Variants in ACSM3 observed in about 807,000 individuals in gnomAD.
The protein encoded by ACSM3 is acyl-coenzyme A synthetase ACSM3, mitochondrial.
In ACSM3, 61 loss-of-function variants were observed where a neutral mutation model predicts 74.1. That is an observed-to-expected ratio of 0.82 (90% CI 0.67 to 1.02). The LOEUF (loss-of-function observed/expected upper bound fraction) is 1.02, where lower values mean the gene tolerates loss of function less well. Among genes scored for constraint, ACSM3 ranks in the 50% least tolerant of loss-of-function variants. The pLI is 0.00. For missense variants in ACSM3, 660 were observed against 697.0 expected, an observed-to-expected ratio of 0.95 and a Z score of 0.60; for synonymous variants, 213 against 241.5, an observed-to-expected ratio of 0.88 and a Z score of 1.09.
At chr16:20,761,488 T>C (rs1235271670), upstream of ACSM3, among the ~76,000 whole-genome samples, 1 of 152,094 alleles carries the variant, frequency 6.6e-6, no homozygotes, top group Non-Finnish European at 1.5e-5. Context: ...TTGAACTAAG[T>C]AGGACATGAC....
chr16:20,732,223 G>A (rs2079834924), intron 1 of ACSM3, among the ~76,000 whole-genome samples: 1 of 152,126 alleles, frequency 6.6e-6, no homozygotes, highest in Admixed American at 6.5e-5. Context: ...AAGACATGAA[G>A]ATGGCCCTGT....
At chr16:20,795,238 C>G (rs1379552392) in intron 12 of ACSM3, among the ~76,000 whole-genome samples, 5 of 152,132 alleles carry the variant, frequency 3.3e-5, no homozygotes, top group African/African-American at 1.2e-4. Context: ...CCAGTCTGCT[C>G]TCGAACTCCT....
In ACSM3 at chr16:20,790,496, G is replaced by A; in HGVS notation, c.1225-91G>A. 6.8e-6 allele frequency: 9 copies of A among 1,324,550 alleles called. 1 individual carries two copies. In the South Asian group the frequency reaches 1.1e-4, roughly 16 times the overall value. The allele number at this position is 1,324,550 out of a possible 1,614,324, so 82.0% of individuals were successfully genotyped here. On this transcript the variant is annotated intron_variant, in intron 9 of 13. Transcript: ENST00000289416. The surrounding 1 kb of genome is among the most constrained non-coding windows in gnomAD (Gnocchi z 4.0). ...TTTTTTAAGTCTTCATTTTTAAATGGCAAAAGCCAAAATAAAACTTGCAAA... is the reference window on the plus strand; with the variant it reads ...TTTTTTAAGTCTTCATTTTTAAATGACAAAAGCCAAAATAAAACTTGCAAA...
chr16:20,738,188 A>C, intron 1 of ACSM3: 1 of 564,148 alleles, frequency 1.8e-6, no homozygotes, highest in Non-Finnish European at 3.3e-6. Context: ...TTGCACTAGA[A>C]ATGACTGTTT....
intron 1 of ACSM3, chr16:20,682,536 C>A: frequency 8.5e-7 from 1 of 1,178,730 alleles, no homozygotes; most frequent in Non-Finnish European, 1.2e-6. Flanking sequence ...GGCTTGTCTG[C>A]ATCGAAATAC....
chr16:20,685,771 G>C (rs1255093950), intron 1 of ACSM3, among the ~76,000 whole-genome samples: 2 of 139,004 alleles, frequency 1.4e-5, no homozygotes, highest in East Asian at 4.2e-4. Context: ...AGTGAGCCAA[G>C]ATTGCACCAT....
In ACSM3 at chr16:20,684,890, C is replaced by G. The variant is rs552412325; in HGVS notation, c.-190+10068C>G. On this transcript the variant is annotated intron_variant, in intron 1 of 3. Coordinates refer to the ACSM3 transcript ENST00000561584. ...GTGTATGAGACAAAGTTTGGCACTG[C>G]ACTTGAGAGTGTATGAATGTGAGAG... Among the ~76,000 whole-genome samples, 33 of 152,112 alleles carry G rather than the reference C, an allele frequency of 2.2e-4. No individual in the cohort carries two copies. In the South Asian group the frequency reaches 6.8e-3, roughly 32 times the overall value.
intron 1 of ACSM3, among the ~76,000 whole-genome samples, chr16:20,723,040 C>G (rs982871105): frequency 2.0e-5 from 3 of 152,092 alleles, no homozygotes; most frequent in Non-Finnish European, 4.4e-5. Context: ...ATCCCTCCCC[C>G]ACCCCACAAC....
intron 4 of ACSM3, chr16:20,779,771 CTTTTTT>C: frequency 1.4e-5 from 2 of 141,164 alleles, no homozygotes; most frequent in South Asian, 1.9e-4. Context: ...GGTCAGCAAA[CTTTTTT>C]TTTTTTTTTT....
At chr16:20,777,809 A>G (rs1464444203) in intron 4 of ACSM3, among the ~76,000 whole-genome samples, 1 of 152,208 alleles carries the variant, frequency 6.6e-6, no homozygotes, top group East Asian at 1.9e-4. Flanking sequence ...TAGGAAGTTT[A>G]TTAAGGAGTT....
intron 2 of ACSM3, among the ~76,000 whole-genome samples, chr16:20,753,174 G>T (rs748740517): frequency 4.0e-5 from 6 of 151,842 alleles, no homozygotes; most frequent in Non-Finnish European, 8.8e-5. Flanking sequence ...ATTGAATCTG[G>T]AAAAGGCTGG....
intron 1 of ACSM3, among the ~76,000 whole-genome samples, chr16:20,724,330 C>A (rs373013741): frequency 4.9e-4 from 75 of 152,258 alleles, no homozygotes; most frequent in Admixed American, 2.4e-3. Context: ...AAATTCAACA[C>A]CCTTCATGCT....
At chr16:20,742,641 CAAA>C (rs35133233) in intron 1 of ACSM3, among the ~76,000 whole-genome samples, 4 of 129,710 alleles carry the variant, frequency 3.1e-5, no homozygotes, top group East Asian at 2.4e-4. Flanking sequence ...GGCTCTGTCT[CAAA>C]AAAAAAAAAA....
At chr16:20,770,695 T>C (rs2080182252) in intron 2 of ACSM3, among the ~76,000 whole-genome samples, 1 of 152,144 alleles carries the variant, frequency 6.6e-6, no homozygotes, top group Non-Finnish European at 1.5e-5. Context: ...CCAAAAGAAA[T>C]GACATGGCTT....
chr16:20,713,101 G>A (rs1275049122), intron 1 of ACSM3, among the ~76,000 whole-genome samples: 3 of 152,130 alleles, frequency 2.0e-5, no homozygotes, highest in Admixed American at 6.6e-5. Flanking sequence ...TCTTTTATAA[G>A]CTGTGTAACC....
At chr16:20,718,472 T>C (rs567129457) in intron 1 of ACSM3, 3 of 450,972 alleles carry the variant, frequency 6.7e-6, no homozygotes, top group South Asian at 8.8e-5. Flanking sequence ...AGCTTCAGCA[T>C]TGGGTTCACC....
intron 1 of ACSM3, chr16:20,737,345 CAA>C (rs1736552597): frequency 6.6e-7 from 1 of 1,505,326 alleles, no homozygotes; most frequent in Non-Finnish European, 8.9e-7. Flanking sequence ...CTGATAGATA[CAA>C]AAAATCTTTT....
At chr16:20,741,819 G>A (rs1211275602) in intron 1 of ACSM3, 10 of 1,541,654 alleles carry the variant, frequency 6.5e-6, no homozygotes, top group Non-Finnish European at 8.7e-6. Flanking sequence ...GCGAACTGGT[G>A]ACGTCGGATA....
At chr16:20,789,684 C>CT (rs561663756) in intron 9 of ACSM3, 37,227 of 442,960 alleles carry the variant, frequency 0.084, 75 homozygotes, top group South Asian at 0.1. Context: ...CTCTATTTTT[C>CT]TTTTTTTTTT....
Sources: gnomAD v4.1 joint callset for allele counts (sites outside exome capture counted in the v4.1 genomes callset) on GRCh38, gnomAD v4.1.1 for gene constraint, Gnocchi (gnomAD v3.1) non-coding constraint, MANE v1.5 for transcripts, NCBI Gene and HGNC (gene_info 2026-07-23, HGNC 2026-07-21) for gene names.